Variants in POGLUT3 observed in about 807,000 individuals in gnomAD.
The protein encoded by POGLUT3 is protein O-glucosyltransferase 3.
POGLUT3 carries 48 observed loss-of-function variants against 54.3 expected under a neutral mutation model. The observed-to-expected ratio is 0.88, with a 90% CI of 0.70 to 1.12. The LOEUF is 1.12. Ranked by LOEUF, POGLUT3 falls within the 50% of genes most tolerant of loss-of-function variation. The pLI, the probability that POGLUT3 is intolerant of heterozygous loss-of-function variation, is 0.00. For missense variants in POGLUT3, 629 were observed against 618.7 expected (o/e 1.02, Z -0.18); for synonymous variants, 218 against 237.4 (o/e 0.92, Z 0.75).
At chr11:108,477,832 A>G in intron 6 of POGLUT3, 121 bp from the exon 7 acceptor site, 1 of 705,894 alleles carries the variant, frequency 1.4e-6, no homozygotes, top group Non-Finnish European at 2.5e-6. Flanking sequence ...AAGCCAGAAC[A>G]TAATGGAATT....
chr11:108,490,382 G>A (rs2093610991), intron 2 of POGLUT3, among the ~76,000 whole-genome samples: 1 of 152,050 alleles, frequency 6.6e-6, no homozygotes, highest in South Asian at 2.1e-4. Flanking sequence ...TGTATTTTTA[G>A]TAGAGACGGG....
Position 108,486,377 on chromosome 11 carries a change from G to C in POGLUT3, c.464C>G (p.Ser155Cys). The change falls in exon 3 of 8, where the codon TCT becomes TGT. Residue 155 changes from serine (S) to cysteine (C), a missense_variant. Coordinates refer to ENST00000323468, the MANE Select transcript of POGLUT3 (RefSeq NM_153705.5). The part of the protein sequence containing the change: ...EDPQAWQKTL[S>C]CPTKEPQIAK... ...AATCTGTGGTTCCTTGGTTGGACAAGAAAGAGTCTTCTGCCAGGCCTGAGG... is the reference window on the plus strand; with the variant it reads ...AATCTGTGGTTCCTTGGTTGGACAACAAAGAGTCTTCTGCCAGGCCTGAGG... 2 of 1,614,144 alleles carry C rather than the reference G, an allele frequency of 1.2e-6. No individual in the cohort carries two copies. Among genetic ancestry groups the C allele is most frequent in the Non-Finnish European group, 1.7e-6 (2 of 1,180,024 alleles).
chr11:108,490,820 T>C, intron 2 of POGLUT3, 150 bp downstream of exon 2: 1 of 560,408 alleles, frequency 1.8e-6, no homozygotes, highest in Non-Finnish European at 3.1e-6. Context: ...CTTAATTTTC[T>C]TTCCCTTAAA....
At chr11:108,484,780 C>CAAACA (rs1555183161) in intron 3 of POGLUT3, among the ~76,000 whole-genome samples, 5 of 152,030 alleles carry the variant, frequency 3.3e-5, no homozygotes, top group African/African-American at 1.2e-4. Flanking sequence ...AACAAACAAA[C>CAAACA]AAAAAAACTC....
At chr11:108,475,376 A>G (rs3824987) in intron 7 of POGLUT3, among the ~76,000 whole-genome samples, 59,583 of 151,284 alleles carry the variant, frequency 0.39, 12,352 homozygotes, top group Middle Eastern at 0.65. Flanking sequence ...GCCTATAGTC[A>G]CACGCATTTT....
At chr11:108,494,344 C>G (rs1368132862) in intron 1 of POGLUT3, among the ~76,000 whole-genome samples, 1 of 152,168 alleles carries the variant, frequency 6.6e-6, no homozygotes. Context: ...AAACAAAATC[C>G]CAGAAGGCTA....
In POGLUT3 at chr11:108,498,240, C is replaced by A; in HGVS notation, c.127G>T (p.Val43Phe). 1 of 1,509,882 alleles carries A rather than the reference C, an allele frequency of 6.6e-7. No homozygotes were observed. The highest frequency in any genetic ancestry group is 8.8e-7 in the Non-Finnish European group (1 of 1,130,472). 93.5% of individuals were successfully genotyped at this position (1,509,882 alleles called of 1,614,324 possible). A position where few individuals can be genotyped will look rare whatever the true frequency, so the allele number is the denominator to read the frequency against. Reference sequence around the variant, plus strand: ...TAGAAATAGCGGACCGGCAGGACGACGGCCGCCTGCAGCCCGGGCCCCCAC... The same window carrying A: ...TAGAAATAGCGGACCGGCAGGACGAAGGCCGCCTGCAGCCCGGGCCCCCAC... ...LVWGPGLQAA[V>F]VLPVRYFYLQ... The change falls in exon 1 of 8, where the codon GTC becomes TTC. Residue 43 changes from valine to phenylalanine, a missense_variant. Transcript: ENST00000323468.
At position 108,472,918 on chromosome 11, in the gene POGLUT3, C is replaced by T. The variant is rs1404435505; in HGVS notation, c.*1909G>A. 1 of 152,190 alleles carries T rather than the reference C, an allele frequency of 6.6e-6. No homozygotes were observed. Among genetic ancestry groups the T allele is most frequent in the African/African-American group, 2.4e-5 (1 of 41,446 alleles). 9.4% of individuals were successfully genotyped at this position (152,190 alleles called of 1,614,324 possible). A position where few individuals can be genotyped will look rare whatever the true frequency, so the allele number is the denominator to read the frequency against. ...CCTTGGATACTTGGCATTGATTAGA[C>T]TGTTCTGAAATTTGGTTATGCTTAG... On this transcript the variant is annotated 3_prime_UTR_variant, in exon 8 of 8. Transcript: ENST00000323468.
intron 7 of POGLUT3, 26 bp from the exon 8 acceptor site, chr11:108,474,978 G>A (rs2135841728): frequency 6.2e-7 from 1 of 1,612,308 alleles, no homozygotes; most frequent in Non-Finnish European, 8.5e-7. Flanking sequence ...AAAGGGAACT[G>A]AAAGGTTAGT....
chr11:108,474,588 C>G lies in POGLUT3; in HGVS notation c.*239G>C, dbSNP rs1411354416. On this transcript the variant is annotated 3_prime_UTR_variant, in exon 8 of 8. Transcript: ENST00000323468. ...GACTTGGATCTCATCCCCAAGATAC[C>G]TCATTATGTACATGCAAATATTCCC... 2 of 307,484 alleles carry G rather than the reference C, an allele frequency of 6.5e-6. No individual in the cohort carries two copies. The highest frequency in any genetic ancestry group is 4.3e-5 in the African/African-American group (2 of 46,610). 19.0% of individuals were successfully genotyped at this position (307,484 alleles called of 1,614,324 possible).
At chr11:108,480,056 A>G (rs183039577) in intron 5 of POGLUT3, among the ~76,000 whole-genome samples, 2 of 152,196 alleles carry the variant, frequency 1.3e-5, no homozygotes, top group East Asian at 3.9e-4. Flanking sequence ...GGCTGGCCTC[A>G]AACTCCTGAC....
chr11:108,484,625 G>T (rs990976722), intron 3 of POGLUT3, among the ~76,000 whole-genome samples: 1 of 152,228 alleles, frequency 6.6e-6, no homozygotes, highest in Non-Finnish European at 1.5e-5. Context: ...CAGGCATGGC[G>T]TGCATCTGTA....
rs753863886 is a variant in POGLUT3 at position 108,474,840 on chromosome 11, C to G, written c.1511G>C (p.Arg504Thr). 2.5e-6 allele frequency: 4 copies of G among 1,613,980 alleles called. No individual in the cohort carries two copies. In the East Asian group the frequency reaches 8.9e-5, roughly 36 times the overall value. The change falls in exon 8 of 8, where the codon AGA (arginine) becomes ACA (threonine). Residue 504 changes from arginine (R) to threonine (T), a missense_variant. Physicochemically the swap from Arg to Thr is moderately conservative, Grantham distance 71. Transcript: ENST00000323468. ...TTCTGGGCTGACTCAAAGTTCTTCT[C>G]TTGAAGGCTTTTTCCTGTGGCACTG... is the stretch of plus-strand genomic sequence containing the variant. ...ICQCHRKKPSREEL is the reference protein window; with the variant it reads ...ICQCHRKKPSTEEL
chr11:108,480,732 G>A (rs2093590679), intron 5 of POGLUT3, among the ~76,000 whole-genome samples: 2 of 152,130 alleles, frequency 1.3e-5, no homozygotes, highest in South Asian at 4.1e-4. Context: ...AAGACAGGAA[G>A]GTCCCATAGT....
chr11:108,483,549 T>G (rs2093596723), intron 3 of POGLUT3, among the ~76,000 whole-genome samples: 1 of 152,214 alleles, frequency 6.6e-6, no homozygotes, highest in African/African-American at 2.4e-5. Context: ...AGTGGGCTAC[T>G]CAGAGACTAG....
At chr11:108,477,534 A>G in intron 7 of POGLUT3, 73 bp downstream of exon 7, 2 of 845,132 alleles carry the variant, frequency 2.4e-6, no homozygotes, top group Non-Finnish European at 3.9e-6. Context: ...GAAGCCAGGC[A>G]GGAAGTGTAC....
At chr11:108,482,291 C>A (rs3765632) in intron 3 of POGLUT3, 69 bp from the exon 4 acceptor site, 428,859 of 1,074,966 alleles carry the variant, frequency 0.4, 88,854 homozygotes, top group East Asian at 0.48. Context: ...TACAACAGTT[C>A]TTTGGTTTTC....
intron 1 of POGLUT3, among the ~76,000 whole-genome samples, chr11:108,495,185 A>C (rs1281991893): frequency 6.6e-6 from 1 of 152,214 alleles, no homozygotes; most frequent in East Asian, 1.9e-4. Flanking sequence ...CAGCTTGAGA[A>C]GATTTTTCCT....
chr11:108,478,449 C>T (rs930237656), intron 6 of POGLUT3, among the ~76,000 whole-genome samples: 2 of 152,184 alleles, frequency 1.3e-5, no homozygotes, highest in Admixed American at 6.5e-5. Flanking sequence ...TCCGTTTTCA[C>T]GTTACAACAT....
Sources: allele counts gnomAD v4.1 joint callset (sites outside exome capture counted in the v4.1 genomes callset), GRCh38; gene constraint gnomAD v4.1.1; transcripts MANE v1.5; gene names NCBI Gene and HGNC (gene_info 2026-07-23, HGNC 2026-07-21).